The following APP variants were observed in gnomAD, a reference collection of about 807,000 sequenced individuals.
APP encodes amyloid-beta precursor protein.
In APP, 31 loss-of-function variants were observed where a neutral mutation model predicts 101.4. The observed-to-expected ratio is 0.31, with a 90% CI of 0.23 to 0.41. APP has a LOEUF of 0.41. APP is among the 10% of genes least tolerant of loss of function. The pLI is 1.00. For missense variants in APP, 839 were observed against 1,003.7 expected (o/e 0.84, Z 2.22); for synonymous variants, 366 against 364.4 (o/e 1.00, Z -0.05).
intron 3 of APP, among the ~76,000 whole-genome samples, chr21:26,068,769 T>C (rs996101101): frequency 2.0e-5 from 3 of 149,818 alleles, no homozygotes; most frequent in African/African-American, 7.5e-5. Context: ...TAATTCTGAT[T>C]ATAAAGTAAG....
At chr21:25,936,666 C>G (rs59423202) in intron 13 of APP, among the ~76,000 whole-genome samples, 1 of 152,224 alleles carries the variant, frequency 6.6e-6, no homozygotes, top group African/African-American at 2.4e-5. Flanking sequence ...AGAAACCGAC[C>G]TGCTGGTACC....
intron 5 of APP, among the ~76,000 whole-genome samples, chr21:26,040,608 A>G (rs1371213003): frequency 1.3e-5 from 2 of 149,644 alleles, no homozygotes; most frequent in Non-Finnish European, 3.0e-5. Context: ...TCTCCATTAA[A>G]AAAAAAAAAA....
chr21:25,965,309 G>A (rs1291673430), intron 11 of APP, among the ~76,000 whole-genome samples: 1 of 152,174 alleles, frequency 6.6e-6, no homozygotes, highest in Non-Finnish European at 1.5e-5. Flanking sequence ...TTGTCAAACG[G>A]TCTGATCATC....
At chr21:26,169,170 T>G (rs1440423164) in intron 1 of APP, 1 of 152,256 alleles carries the variant, frequency 6.6e-6, no homozygotes, top group East Asian at 1.9e-4. Flanking sequence ...GCACAGGCGT[T>G]AGCTGAATGT....
At chr21:25,982,541 GT>G in intron 8 of APP, 64 bp from the exon 9 acceptor site, 1 of 1,501,596 alleles carries the variant, frequency 6.7e-7, no homozygotes. Flanking sequence ...TAATCCACTC[GT>G]TTAATAGAAA....
chr21:26,011,117 C>T (rs1244002895), intron 6 of APP, among the ~76,000 whole-genome samples: 2 of 151,898 alleles, frequency 1.3e-5, no homozygotes, highest in African/African-American at 2.4e-5. Flanking sequence ...GTCTGTCTGC[C>T]GAGACTGGAG....
At chr21:26,094,986 C>T (rs2061909285) in intron 2 of APP, among the ~76,000 whole-genome samples, 1 of 152,104 alleles carries the variant, frequency 6.6e-6, no homozygotes, top group Non-Finnish European at 1.5e-5. Context: ...GCTGGGACTA[C>T]AGGCACCCAC....
chr21:25,960,166 T>A (rs527723108), intron 11 of APP, among the ~76,000 whole-genome samples: 22 of 149,378 alleles, frequency 1.5e-4, no homozygotes, highest in African/African-American at 5.0e-4. Flanking sequence ...TACGTGTAAG[T>A]GTGCATTCAT....
chr21:26,028,443 G>A (rs73896808), intron 5 of APP, among the ~76,000 whole-genome samples: 4,112 of 152,236 alleles, frequency 0.027, 187 homozygotes, highest in African/African-American at 0.094. Context: ...TGGCTGTGGG[G>A]ATGAGGCAGG....
At chr21:25,937,464 G>A (rs1470752079) in intron 13 of APP, among the ~76,000 whole-genome samples, 3 of 152,154 alleles carry the variant, frequency 2.0e-5, no homozygotes, top group Non-Finnish European at 2.9e-5. Context: ...CTTCCAAGAC[G>A]AAGCTTTTAC....
intron 14 of APP, among the ~76,000 whole-genome samples, chr21:25,908,692 T>A (rs1469010086): frequency 6.2e-5 from 9 of 145,654 alleles, no homozygotes; most frequent in African/African-American, 1.8e-4. Flanking sequence ...CTGGCTCCAT[T>A]AAAAAAAAAA....
chr21:26,164,788 G>A (rs554999502), intron 1 of APP, among the ~76,000 whole-genome samples: 18 of 151,292 alleles, frequency 1.2e-4, no homozygotes, highest in African/African-American at 3.2e-4. Context: ...CCCAGGAGGC[G>A]GAGGTTGCAG....
chr21:26,095,001 A>G (rs1367880990), intron 2 of APP, among the ~76,000 whole-genome samples: 1 of 152,056 alleles, frequency 6.6e-6, no homozygotes, highest in East Asian at 1.9e-4. Flanking sequence ...ACCCACTACC[A>G]CACCCGGCTA....
intron 4 of APP, among the ~76,000 whole-genome samples, chr21:26,052,602 G>A (rs755106582): frequency 6.6e-6 from 1 of 152,226 alleles, no homozygotes; most frequent in Non-Finnish European, 1.5e-5. Flanking sequence ...GGTTAACCAA[G>A]TGCTCGGTCA....
At chr21:25,916,477 CA>C (rs1403037378) in intron 13 of APP, among the ~76,000 whole-genome samples, 1 of 152,188 alleles carries the variant, frequency 6.6e-6, no homozygotes, top group East Asian at 1.9e-4. Flanking sequence ...GAGCCTATGA[CA>C]AAATACCCAG....
intron 13 of APP, among the ~76,000 whole-genome samples, chr21:25,952,083 A>T (rs909987478): frequency 3.9e-5 from 6 of 152,206 alleles, no homozygotes; most frequent in Middle Eastern, 3.4e-3. Flanking sequence ...AAAGGTTTTT[A>T]AAAAAGATTA....
chr21:25,967,627 T>C (rs1328740459), intron 11 of APP, among the ~76,000 whole-genome samples: 1 of 152,246 alleles, frequency 6.6e-6, no homozygotes, highest in Non-Finnish European at 1.5e-5. Context: ...GGTTTAACTG[T>C]ACAGGATCAC....
chr21:26,017,446 G>A (rs2044147777), intron 6 of APP, among the ~76,000 whole-genome samples: 1 of 151,240 alleles, frequency 6.6e-6, no homozygotes, highest in South Asian at 2.1e-4. Flanking sequence ...TACATTAAAG[G>A]GCAAGAGTGG....
chr21:26,002,251 C>T (rs923752455), intron 6 of APP, among the ~76,000 whole-genome samples: 1 of 152,246 alleles, frequency 6.6e-6, no homozygotes, highest in Non-Finnish European at 1.5e-5. Flanking sequence ...GGGCTTAGTG[C>T]TGACTGTCCC....
Sources: gnomAD v4.1 joint callset for allele counts (sites outside exome capture counted in the v4.1 genomes callset) on GRCh38, gnomAD v4.1.1 for gene constraint, MANE v1.5 for transcripts, NCBI Gene and HGNC (gene_info 2026-07-23, HGNC 2026-07-21) for gene names.